Variants in EDIL3 observed in about 807,000 individuals in gnomAD.
EDIL3 encodes the protein EGF-like repeat and discoidin I-like domain-containing protein 3.
EDIL3 carries 37 observed loss-of-function variants against 67.4 expected under a neutral mutation model. That is an observed-to-expected ratio of 0.55 (90% CI 0.42 to 0.72). EDIL3 has a LOEUF of 0.72. EDIL3 is among the 30% of genes least tolerant of loss of function. The pLI, the probability that EDIL3 is intolerant of heterozygous loss-of-function variation, is 0.00. For missense variants in EDIL3, 527 were observed against 586.3 expected (o/e 0.90, Z 1.04); for synonymous variants, 195 against 196.3 (o/e 0.99, Z 0.05).
At chr5:84,032,929 A>G (rs548606746) in intron 9 of EDIL3, among the ~76,000 whole-genome samples, 1 of 152,314 alleles carries the variant, frequency 6.6e-6, no homozygotes, top group South Asian at 2.1e-4. Flanking sequence ...AACAGTGCTC[A>G]GGGACTTCCA....
chr5:83,965,591 T>TTTATAGAA (rs1372333727), intron 9 of EDIL3, among the ~76,000 whole-genome samples: 3 of 152,006 alleles, frequency 2.0e-5, no homozygotes, highest in African/African-American at 7.2e-5. Flanking sequence ...CTTCTATAAG[T>TTTATAGAA]CCTTAGCTAA....
At chr5:84,369,526 T>C (rs1204744936) in intron 1 of EDIL3, among the ~76,000 whole-genome samples, 2 of 152,032 alleles carry the variant, frequency 1.3e-5, no homozygotes, top group African/African-American at 2.4e-5. Context: ...ACTTAGAGAC[T>C]TAGAGTAGTC....
intron 1 of EDIL3, among the ~76,000 whole-genome samples, chr5:84,267,276 G>C (rs745453844): frequency 3.3e-5 from 5 of 151,874 alleles, no homozygotes; most frequent in Non-Finnish European, 4.4e-5. Context: ...GGAAAGCTTT[G>C]GCCTCTTGCA....
chr5:84,229,318 T>C (rs1367855118), intron 3 of EDIL3, among the ~76,000 whole-genome samples: 1 of 152,178 alleles, frequency 6.6e-6, no homozygotes, highest in Non-Finnish European at 1.5e-5. Flanking sequence ...TAAGTCATGA[T>C]GCCAAGTTGC....
At chr5:84,329,836 A>G (rs943863398) in intron 1 of EDIL3, among the ~76,000 whole-genome samples, 2 of 152,152 alleles carry the variant, frequency 1.3e-5, no homozygotes, top group Non-Finnish European at 2.9e-5. Context: ...ATACTGTCAA[A>G]TAAGAAGAAA....
chr5:83,950,907 G>T (rs1031035573), intron 10 of EDIL3, among the ~76,000 whole-genome samples: 1 of 151,630 alleles, frequency 6.6e-6, no homozygotes, highest in South Asian at 2.1e-4. Context: ...TAAAGCTATC[G>T]TGCATGGTCA....
chr5:84,135,946 T>C (rs1047528812), intron 5 of EDIL3, among the ~76,000 whole-genome samples: 4 of 152,006 alleles, frequency 2.6e-5, no homozygotes, highest in African/African-American at 4.8e-5. Context: ...TATATACTTA[T>C]ATATCATTCA....
chr5:84,306,110 G>A (rs1018778003), intron 1 of EDIL3, among the ~76,000 whole-genome samples: 5 of 151,906 alleles, frequency 3.3e-5, no homozygotes. Context: ...AAGCATCAAC[G>A]CATACTCAGG....
At chr5:84,284,909 G>A (rs1232703113) in intron 1 of EDIL3, among the ~76,000 whole-genome samples, 1 of 152,108 alleles carries the variant, frequency 6.6e-6, no homozygotes, top group Non-Finnish European at 1.5e-5. Context: ...AGAAAACAAT[G>A]GGGAAAATCT....
chr5:84,187,766 T>C (rs185122838), intron 3 of EDIL3, among the ~76,000 whole-genome samples: 85 of 151,970 alleles, frequency 5.6e-4, no homozygotes, highest in African/African-American at 2.0e-3. Flanking sequence ...AGAAAGAAAT[T>C]ATTCTGGGAA....
intron 1 of EDIL3, among the ~76,000 whole-genome samples, chr5:84,324,029 A>C (rs1203628677): frequency 1.3e-5 from 2 of 151,892 alleles, no homozygotes; most frequent in Non-Finnish European, 2.9e-5. Flanking sequence ...GTAAAAAATC[A>C]GAGGACTTAA....
chr5:84,278,347 G>A (rs1312774144), intron 1 of EDIL3, among the ~76,000 whole-genome samples: 2 of 152,134 alleles, frequency 1.3e-5, no homozygotes, highest in Non-Finnish European at 2.9e-5. Flanking sequence ...TACATAGAGA[G>A]AATTTTTTTT....
intron 4 of EDIL3, among the ~76,000 whole-genome samples, chr5:84,170,998 T>C (rs1748802546): frequency 6.6e-6 from 1 of 152,198 alleles, no homozygotes; most frequent in Middle Eastern, 3.4e-3. Context: ...TTTCACCATG[T>C]TGGCCAGTCT....
At chr5:84,351,453 T>C (rs1204990528) in intron 1 of EDIL3, among the ~76,000 whole-genome samples, 2 of 152,102 alleles carry the variant, frequency 1.3e-5, no homozygotes, top group Non-Finnish European at 2.9e-5. Context: ...AGCAAAACAG[T>C]GAATTGGGCT....
chr5:84,157,060 G>T (rs1168935094), intron 4 of EDIL3, among the ~76,000 whole-genome samples: 1 of 151,790 alleles, frequency 6.6e-6, no homozygotes, highest in African/African-American at 2.4e-5. Context: ...CTTTCAAAAG[G>T]TCTTAGAAAA....
intron 4 of EDIL3, among the ~76,000 whole-genome samples, chr5:84,155,982 T>A (rs1166673460): frequency 6.6e-6 from 1 of 152,210 alleles, no homozygotes; most frequent in African/African-American, 2.4e-5. Flanking sequence ...TATTCAGTAC[T>A]TTAATAGTTT....
At chr5:83,947,261 C>A (rs1343195956) in intron 10 of EDIL3, among the ~76,000 whole-genome samples, 1 of 151,754 alleles carries the variant, frequency 6.6e-6, no homozygotes, top group Non-Finnish European at 1.5e-5. Flanking sequence ...AAGCATACCA[C>A]TGGCCTTACT....
chr5:83,970,282 A>G (rs1390592365), intron 9 of EDIL3, among the ~76,000 whole-genome samples: 1 of 129,424 alleles, frequency 7.7e-6, no homozygotes, highest in African/African-American at 2.7e-5. Context: ...ATATATATAT[A>G]GTCTCTTTCA....
At chr5:84,126,596 A>G (rs1747874167) in intron 5 of EDIL3, among the ~76,000 whole-genome samples, 1 of 152,108 alleles carries the variant, frequency 6.6e-6, no homozygotes, top group African/African-American at 2.4e-5. Context: ...TGAAATGAAA[A>G]TATCTGTGAT....
Sources: gnomAD v4.1 joint callset for allele counts (sites outside exome capture counted in the v4.1 genomes callset) on GRCh38, gnomAD v4.1.1 for gene constraint, MANE v1.5 for transcripts, NCBI Gene and HGNC (gene_info 2026-07-23, HGNC 2026-07-21) for gene names.